Variants in GRIK2 observed in about 807,000 individuals in gnomAD.
GRIK2 encodes glutamate receptor ionotropic, kainate 2.
A neutral mutation model predicts 100.3 loss-of-function variants in GRIK2; 32 were observed. The ratio of observed to expected loss-of-function variants is 0.32; its 90% CI spans 0.24 to 0.43. The LOEUF (loss-of-function observed/expected upper bound fraction) is 0.43, where lower values mean the gene tolerates loss of function less well. Ranked by LOEUF, GRIK2 falls within the 20% of genes least tolerant of loss-of-function variation. The probability of loss-of-function intolerance (pLI) is 1.00; values close to 1 mark genes in which losing one functional copy is unlikely to be tolerated. For synonymous variants in GRIK2, 417 were observed against 389.4 expected, an observed-to-expected ratio of 1.07 and a Z score of -0.83; for missense variants, 843 against 1,114.9, an observed-to-expected ratio of 0.76 and a Z score of 3.47.
chr6:101,982,012 C>T (rs1793740806), intron 14 of GRIK2, among the ~76,000 whole-genome samples: 1 of 151,780 alleles, frequency 6.6e-6, no homozygotes, highest in African/African-American at 2.4e-5. Context: ...AAAAAACAAA[C>T]ACTTTTTGAA....
intron 7 of GRIK2, among the ~76,000 whole-genome samples, chr6:101,739,930 AT>A (rs1775914632): frequency 6.6e-6 from 1 of 151,948 alleles, no homozygotes; most frequent in African/African-American, 2.4e-5. Flanking sequence ...TTTCATGATC[AT>A]CCCCCACCCT....
chr6:101,933,175 C>T (rs889455689), intron 14 of GRIK2, among the ~76,000 whole-genome samples: 40 of 151,906 alleles, frequency 2.6e-4, no homozygotes, highest in African/African-American at 8.0e-4. Context: ...CTTGTGGCCA[C>T]GTTGAGAAAA....
chr6:101,544,650 C>T (rs867363791), intron 2 of GRIK2, among the ~76,000 whole-genome samples: 10 of 152,112 alleles, frequency 6.6e-5, no homozygotes, highest in Middle Eastern at 3.2e-3. Context: ...TGTTCAAATT[C>T]GTCTAACCTT....
intron 2 of GRIK2, among the ~76,000 whole-genome samples, chr6:101,473,588 C>T (rs902039690): frequency 6.6e-6 from 1 of 151,768 alleles, no homozygotes; most frequent in Non-Finnish European, 1.5e-5. Flanking sequence ...CTAACTATTC[C>T]AATGACTAAT....
At chr6:101,965,277 G>A (rs1792587286) in intron 14 of GRIK2, among the ~76,000 whole-genome samples, 1 of 152,104 alleles carries the variant, frequency 6.6e-6, no homozygotes, top group Non-Finnish European at 1.5e-5. Context: ...AAAGTACCAG[G>A]TGTATAGTGC....
At chr6:101,857,901 G>A (rs1784513112) in intron 10 of GRIK2, among the ~76,000 whole-genome samples, 1 of 152,150 alleles carries the variant, frequency 6.6e-6, no homozygotes, top group African/African-American at 2.4e-5. Context: ...CTTACTGGAT[G>A]TGACTTCTGT....
chr6:101,989,380 A>G (rs1015182930), intron 14 of GRIK2, among the ~76,000 whole-genome samples: 4 of 151,758 alleles, frequency 2.6e-5, no homozygotes, highest in Non-Finnish European at 4.4e-5. Flanking sequence ...GTATTTATTA[A>G]TTAAGTTAGA....
intron 7 of GRIK2, among the ~76,000 whole-genome samples, chr6:101,790,225 C>G (rs1211774123): frequency 6.6e-6 from 1 of 151,664 alleles, no homozygotes; most frequent in Non-Finnish European, 1.5e-5. Flanking sequence ...TTGCCCTGGC[C>G]AGACCTTCCA....
At chr6:101,514,636 C>T (rs1774491077) in intron 2 of GRIK2, among the ~76,000 whole-genome samples, 1 of 151,986 alleles carries the variant, frequency 6.6e-6, no homozygotes, top group South Asian at 2.1e-4. Context: ...TTTGAGCTAG[C>T]TGTGTAGCAA....
At chr6:101,846,975 T>A (rs1487567174) in intron 10 of GRIK2, among the ~76,000 whole-genome samples, 4 of 150,186 alleles carry the variant, frequency 2.7e-5, no homozygotes, top group Admixed American at 2.0e-4. Flanking sequence ...TTCTCTCTAT[T>A]TTTTTTTTCT....
intron 12 of GRIK2, among the ~76,000 whole-genome samples, chr6:101,904,519 GTTA>G (rs1440998231): frequency 6.6e-6 from 1 of 151,364 alleles, no homozygotes; most frequent in Admixed American, 6.6e-5. Flanking sequence ...AGGACAACCT[GTTA>G]TTATTTATTA....
At chr6:101,624,360 C>G (rs1049753802) in intron 3 of GRIK2, among the ~76,000 whole-genome samples, 1 of 152,026 alleles carries the variant, frequency 6.6e-6, no homozygotes, top group South Asian at 2.1e-4. Context: ...ATTCTCAAGT[C>G]TAGCCACCAT....
chr6:101,911,054 C>T (rs984348883), intron 12 of GRIK2, among the ~76,000 whole-genome samples: 1 of 42,580 alleles, frequency 2.3e-5, no homozygotes, highest in Non-Finnish European at 4.6e-5. Flanking sequence ...TTATTTCTAC[C>T]ATATAAAATG....
intron 2 of GRIK2, among the ~76,000 whole-genome samples, chr6:101,591,694 A>AT (rs2128306792): frequency 6.6e-6 from 1 of 152,192 alleles, no homozygotes; most frequent in Non-Finnish European, 1.5e-5. Flanking sequence ...TAACAGTGAA[A>AT]TAATGAAGTA....
chr6:101,524,952 C>T (rs1034945022), intron 2 of GRIK2, among the ~76,000 whole-genome samples: 2 of 151,854 alleles, frequency 1.3e-5, no homozygotes, highest in East Asian at 3.9e-4. Context: ...AAGCTGGTCT[C>T]GAACTCCTGA....
chr6:101,675,285 G>A lies in GRIK2; in HGVS notation c.542-1338G>A, dbSNP rs981120447. ...ACAGTACATGTACGCACACGCGCACGCACACGCAGACACACACACACCACA... is the reference window on the plus strand; with the variant it reads ...ACAGTACATGTACGCACACGCGCACACACACGCAGACACACACACACCACA... On this transcript the variant is annotated intron_variant, in intron 4 of 16. Coordinates refer to ENST00000369134, the MANE Select transcript of GRIK2 (RefSeq NM_021956.5). 1.2e-4 allele frequency among the ~76,000 whole-genome samples: 16 copies of A among 133,248 alleles called. No individual in the cohort carries two copies. The South Asian group carries it at 1.3e-3, about 10-fold the overall frequency. 87.4% of individuals were successfully genotyped at this position (133,248 alleles called of 152,430 possible).
At chr6:101,745,323 A>C (rs537161903) in intron 7 of GRIK2, among the ~76,000 whole-genome samples, 28 of 152,126 alleles carry the variant, frequency 1.8e-4, no homozygotes, top group Non-Finnish European at 2.9e-4. Context: ...TTCACATCAC[A>C]TTGAGTACTC....
chr6:102,034,622 C>T (rs979770634), intron 14 of GRIK2, among the ~76,000 whole-genome samples: 19 of 151,300 alleles, frequency 1.3e-4, no homozygotes, highest in African/African-American at 4.6e-4. Flanking sequence ...TCTAGTAAAG[C>T]CCTCCTGAGA....
chr6:101,532,889 T>C (rs1426776093), intron 2 of GRIK2, among the ~76,000 whole-genome samples: 1 of 151,826 alleles, frequency 6.6e-6, no homozygotes, highest in Non-Finnish European at 1.5e-5. Context: ...TCTTACACAT[T>C]TTTATATCTT....
Sources: allele counts gnomAD v4.1 joint callset (sites outside exome capture counted in the v4.1 genomes callset), GRCh38; gene constraint gnomAD v4.1.1; transcripts MANE v1.5; gene names NCBI Gene and HGNC (gene_info 2026-07-23, HGNC 2026-07-21).